The following PRCD variants were observed in gnomAD, a reference collection of about 807,000 sequenced individuals.
The protein encoded by PRCD is photoreceptor disc component.
PRCD carries 12 observed loss-of-function variants against 10.1 expected under a neutral mutation model. The ratio of observed to expected loss-of-function variants is 1.18; its 90% CI spans 0.76 to 1.92. The LOEUF is 1.92. PRCD is among the 40% of genes most tolerant of loss of function. The pLI is 0.00. For synonymous variants in PRCD, 31 were observed against 26.2 expected (o/e 1.18, Z -0.56); for missense variants, 61 against 72.2 (o/e 0.84, Z 0.56).
intron 1 of PRCD, chr17:76,529,138 A>G (rs1373291391): frequency 1.0e-6 from 1 of 977,826 alleles, no homozygotes; most frequent in Non-Finnish European, 1.2e-6. Context: ...TGCTTCCCTG[A>G]TAAGAGAAGT....
rs2074871192 is a variant in PRCD at position 76,533,374 on chromosome 17, C to A, written n.45+5541C>A. On this transcript the variant is annotated intron_variant and non_coding_transcript_variant, in intron 1 of 4. Coordinates refer to the PRCD transcript ENST00000397633. The surrounding 1 kb of genome is among the most constrained non-coding windows in gnomAD (Gnocchi z 4.5). ...TGTAATGAGGGACAAATGTGAAAAA[C>A]CCAATTTGGACTTAAACAAGCATCT... 6.6e-6 allele frequency among the ~76,000 whole-genome samples: 1 copy of A among 152,190 alleles called. No individual in the cohort carries two copies. Among genetic ancestry groups the A allele is most frequent in the South Asian group, 2.1e-4 (1 of 4,836 alleles).
rs1333216052 is a variant in PRCD, at chr17:76,530,872, C to T, written n.45+3039C>T. 3.8e-6 allele frequency: 5 copies of T among 1,305,818 alleles called. No individual in the cohort carries two copies. The highest frequency in any genetic ancestry group is 5.2e-6 in the Non-Finnish European group (5 of 969,828). 80.9% of individuals were successfully genotyped at this position (1,305,818 alleles called of 1,614,324 possible). Reference sequence around the variant, plus strand: ...CCAGGGTTGGCCTGCCTCAAGTGTGCCTGCCCAGGTGATCAGCCCCAGGGC... The same window carrying T: ...CCAGGGTTGGCCTGCCTCAAGTGTGTCTGCCCAGGTGATCAGCCCCAGGGC... On this transcript the variant is annotated intron_variant and non_coding_transcript_variant, in intron 1 of 4. Coordinates refer to the PRCD transcript ENST00000397633. This position sits in a 1 kb window ranked among gnomAD's most constrained non-coding sequence, Gnocchi z 6.1.
At chr17:76,534,526 T>G (rs1196806032) in intron 1 of PRCD, among the ~76,000 whole-genome samples, 2 of 152,196 alleles carry the variant, frequency 1.3e-5, no homozygotes, top group African/African-American at 2.4e-5. Flanking sequence ...ACCTCTATTT[T>G]ACTGATGAGG....
At chr17:76,539,978 G>T (rs1245260638), upstream of PRCD, 1 of 702,050 alleles carries the variant, frequency 1.4e-6, no homozygotes, top group Non-Finnish European at 2.4e-6. Context: ...TCCTCACAAG[G>T]TCGGGGCCGC....
At chr17:76,545,510 T>G (rs1356023721), downstream of PRCD, 1 of 388,980 alleles carries the variant, frequency 2.6e-6, no homozygotes, top group East Asian at 7.3e-5. Flanking sequence ...AGCCAAAGGG[T>G]GGGGTCCCTT....
Position 76,540,266 on chromosome 17 carries a change from T to TGG in PRCD, c.74+54_74+55dup, listed in dbSNP as rs2074974709. On this transcript the variant is annotated intron_variant, in intron 1 of 4. Coordinates refer to ENST00000592014, the MANE Select transcript of PRCD (RefSeq NM_001077620.3). The surrounding 1 kb of genome is among the most constrained non-coding windows in gnomAD (Gnocchi z 5.0). ...GGCGGTTGGTCGGGGGGGGGGGGCA[T>TGG]GGGGCTGGGCTGCCACCAAGCTGAA... The TGG allele has an allele frequency of 1.7e-5, 6 of 351,956 alleles. No individual in the cohort carries two copies. The highest frequency in any genetic ancestry group is 6.0e-5 in the Admixed American group (1 of 16,664). The allele number at this position is 351,956 out of a possible 1,614,324, so 21.8% of individuals were successfully genotyped here.
chr17:76,530,637 T>C lies in PRCD; in HGVS notation n.45+2804T>C, dbSNP rs530723568. Among the ~76,000 whole-genome samples, 1 of 152,132 alleles carries C rather than the reference T, an allele frequency of 6.6e-6. No homozygotes were observed. Among genetic ancestry groups the C allele is most frequent in the Admixed American group, 6.5e-5 (1 of 15,282 alleles). On this transcript the variant is annotated intron_variant and non_coding_transcript_variant, in intron 1 of 4. Transcript: ENST00000397633. The surrounding 1 kb of genome is among the most constrained non-coding windows in gnomAD (Gnocchi z 6.1). The stretch of plus-strand genomic sequence containing the variant: ...GGCTGACCTGGGCTGCCTCCGAGCC[T>C]GATGATCGGACCTTACCGCCAGGAG...
chr17:76,536,137 G>A (rs540632098), upstream of PRCD, among the ~76,000 whole-genome samples: 12 of 152,322 alleles, frequency 7.9e-5, no homozygotes, highest in Non-Finnish European at 1.8e-4. Context: ...TCCCGACTGT[G>A]TTTCTGGGCT....
chr17:76,532,308 C>T (rs1176818330), intron 1 of PRCD, among the ~76,000 whole-genome samples: 5 of 152,144 alleles, frequency 3.3e-5, no homozygotes, highest in Non-Finnish European at 4.4e-5. Context: ...AAATGTTCCT[C>T]GGGTGAGCCA....
intron 1 of PRCD, chr17:76,551,941 C>T (rs1189536026): frequency 6.6e-6 from 1 of 152,000 alleles, no homozygotes; most frequent in Non-Finnish European, 1.5e-5. Context: ...ACAGGGCTGT[C>T]ATGAGAATCA....
intron 1 of PRCD, among the ~76,000 whole-genome samples, chr17:76,532,236 A>T (rs758654734): frequency 6.6e-6 from 1 of 152,182 alleles, no homozygotes; most frequent in Non-Finnish European, 1.5e-5. Flanking sequence ...ACTCATGTCC[A>T]CATTCCCCAC....
chr17:76,537,711 TGTGTGC>T, upstream of PRCD: 1 of 437,846 alleles, frequency 2.3e-6, no homozygotes, highest in Non-Finnish European at 3.0e-6. Context: ...TGTGTGTGTG[TGTGTGC>T]GTGCGTGTGT....
At position 76,531,415 on chromosome 17, in the gene PRCD, T is replaced by C; in HGVS notation, n.45+3582T>C. On this transcript the variant is annotated intron_variant and non_coding_transcript_variant, in intron 1 of 4. Coordinates refer to the PRCD transcript ENST00000397633. The surrounding 1 kb of genome is among the most constrained non-coding windows in gnomAD (Gnocchi z 7.4). ...AGAGCCTGCGAGCTGCAGATGGCCA[T>C]GACGCGTGGGCGGTGGGGGCTCTGC... is the stretch of plus-strand genomic sequence containing the variant. 1 of 1,579,150 alleles carries C rather than the reference T, an allele frequency of 6.3e-7. No individual in the cohort carries two copies. Among genetic ancestry groups the C allele is most frequent in the Non-Finnish European group, 8.7e-7 (1 of 1,153,452 alleles).
intron 1 of PRCD, among the ~76,000 whole-genome samples, chr17:76,532,633 G>A (rs770332578): frequency 4.0e-5 from 6 of 149,774 alleles, no homozygotes; most frequent in Non-Finnish European, 5.9e-5. Flanking sequence ...CTGGGTTCAA[G>A]TGATTCTCTT....
rs946504730 is a variant in PRCD at position 76,528,934 on chromosome 17, C to T, written n.45+1101C>T. ...ACGATACCAATGTGAGCTCTTTTTC[C>T]ATTAATTCTGAAACGTGGCGCATTC... On this transcript the variant is annotated intron_variant and non_coding_transcript_variant, in intron 1 of 4. Coordinates refer to the PRCD transcript ENST00000397633. This position sits in a 1 kb window ranked among gnomAD's most constrained non-coding sequence, Gnocchi z 5.8. 39 of 1,134,922 alleles carry T rather than the reference C, an allele frequency of 3.4e-5. No homozygotes were observed. The highest frequency in any genetic ancestry group is 4.0e-5 in the Non-Finnish European group (37 of 927,198). The allele number at this position is 1,134,922 out of a possible 1,614,324, so 70.3% of individuals were successfully genotyped here.
chr17:76,553,468 A>T (rs1489732394), exon 2 of PRCD: 1 of 152,218 alleles, frequency 6.6e-6, no homozygotes, highest in Non-Finnish European at 1.5e-5. Flanking sequence ...TTCCTGTGAT[A>T]TCGCTGCTGC....
rs538754183 is a variant in PRCD at position 76,530,256 on chromosome 17, T to G, written n.45+2423T>G. 2.0e-5 allele frequency among the ~76,000 whole-genome samples: 3 copies of G among 152,166 alleles called. 1 individual carries two copies. The South Asian group carries it at 6.2e-4, about 32-fold the overall frequency. ...TTCAGCTCCCAGAGTCAGCCTCCCC[T>G]TGGGGGCCCAGGGAGGCCGAGTGTT... On this transcript the variant is annotated intron_variant and non_coding_transcript_variant, in intron 1 of 4. Coordinates refer to the PRCD transcript ENST00000397633. The surrounding 1 kb of genome is among the most constrained non-coding windows in gnomAD (Gnocchi z 6.1).
chr17:76,545,344 A>G lies in PRCD; in HGVS notation c.*1694A>G. 2.2e-6 allele frequency: 1 copy of G among 456,692 alleles called. No individual in the cohort carries two copies. Among genetic ancestry groups the G allele is most frequent in the South Asian group, 1.5e-5 (1 of 64,570 alleles). The allele number at this position is 456,692 out of a possible 1,614,324, so 28.3% of individuals were successfully genotyped here. A position where few individuals can be genotyped will look rare whatever the true frequency, so the allele number is the denominator to read the frequency against. On this transcript the variant is annotated 3_prime_UTR_variant, in exon 5 of 5. Transcript: ENST00000592014. ...GCTCAGGGCAAGGGTGGACCTTTAA[A>G]TGGGGGAATTAAATCCTGACTATGA... is the stretch of plus-strand genomic sequence containing the variant.
At chr17:76,532,030 G>A (rs1181741476) in intron 1 of PRCD, 2 of 216,328 alleles carry the variant, frequency 9.2e-6, no homozygotes, top group African/African-American at 4.5e-5. Context: ...AAGAACTCAG[G>A]TTCTGGAATC....
Sources: gnomAD v4.1 joint callset for allele counts (sites outside exome capture counted in the v4.1 genomes callset) on GRCh38, gnomAD v4.1.1 for gene constraint, Gnocchi (gnomAD v3.1) non-coding constraint, MANE v1.5 for transcripts, NCBI Gene and HGNC (gene_info 2026-07-23, HGNC 2026-07-21) for gene names.